Variants in FHIT observed in about 807,000 individuals in gnomAD.
FHIT encodes fragile histidine triad diadenosine triphosphatase, also known as bis(5'-adenosyl)-triphosphatase.
In FHIT, 19 loss-of-function variants were observed where a neutral mutation model predicts 17.9. The ratio of observed to expected loss-of-function variants is 1.06; its 90% confidence interval spans 0.74 to 1.56. The LOEUF (loss-of-function observed/expected upper bound fraction) is 1.56, where lower values mean the gene tolerates loss of function less well. FHIT is among the 40% of genes most tolerant of loss of function. FHIT has a pLI of 0.00. For missense variants in FHIT, 248 were observed against 189.2 expected (o/e 1.31, Z -1.82); for synonymous variants, 81 against 69.7 (o/e 1.16, Z -0.81).
chr3:60,569,755 A>ATATATATATATATATAT lies in FHIT; in HGVS notation c.-17-32777_-17-32776insATATATATATATATATA. 5.6e-3 allele frequency among the ~76,000 whole-genome samples: 431 copies of ATATATATATATATATAT among 77,246 alleles called. 5 individuals carry two copies. The highest frequency in any genetic ancestry group is 0.02 in the African/African-American group (403 of 20,586). 50.7% of individuals were successfully genotyped at this position (77,246 alleles called of 152,430 possible). A position where few individuals can be genotyped will look rare whatever the true frequency, so the allele number is the denominator to read the frequency against. ...TATATATATATATATATATATATAT[A>ATATATATATATATATAT]TTTTTTTTTTTTTTAGACAGAGTTT... is the stretch of plus-strand genomic sequence containing the variant. On this transcript the variant is annotated intron_variant, in intron 4 of 9. Transcript: ENST00000492590.
chr3:60,613,291 G>A (rs1553674395), intron 4 of FHIT, among the ~76,000 whole-genome samples: 1 of 152,146 alleles, frequency 6.6e-6, no homozygotes, highest in Admixed American at 6.5e-5. Context: ...TGGGAACATG[G>A]AGTGAAACAG....
chr3:60,704,835 G>C (rs1292251531), intron 4 of FHIT, among the ~76,000 whole-genome samples: 1 of 151,576 alleles, frequency 6.6e-6, no homozygotes, highest in Non-Finnish European at 1.5e-5. Flanking sequence ...TTGATTCTCT[G>C]GAAAACTAAC....
At chr3:60,566,249 G>C (rs1204086476) in intron 4 of FHIT, among the ~76,000 whole-genome samples, 2 of 152,152 alleles carry the variant, frequency 1.3e-5, no homozygotes, top group East Asian at 3.8e-4. Flanking sequence ...TTGGGGTTGA[G>C]AGTTCTGTAG....
chr3:60,372,747 T>G (rs1700381545), intron 5 of FHIT, among the ~76,000 whole-genome samples: 1 of 152,222 alleles, frequency 6.6e-6, no homozygotes, highest in Admixed American at 6.5e-5. Flanking sequence ...GTCTTTTATT[T>G]CTTCCTTATC....
At chr3:60,452,260 C>T (rs1049119546) in intron 5 of FHIT, among the ~76,000 whole-genome samples, 32 of 152,112 alleles carry the variant, frequency 2.1e-4, no homozygotes, top group African/African-American at 7.5e-4. Context: ...TAATTAGTAA[C>T]CTACTTCCTG....
chr3:60,865,206 A>G (rs2107027009), intron 3 of FHIT, among the ~76,000 whole-genome samples: 1 of 152,338 alleles, frequency 6.6e-6, no homozygotes, highest in East Asian at 1.9e-4. Flanking sequence ...CGTTGAAAAA[A>G]ATCATAGGTA....
intron 4 of FHIT, among the ~76,000 whole-genome samples, chr3:60,689,080 G>C (rs2040927443): frequency 6.6e-6 from 1 of 152,146 alleles, no homozygotes; most frequent in South Asian, 2.1e-4. Flanking sequence ...TCTCCTGATA[G>C]TGAATAAGTC....
At chr3:60,373,354 A>G (rs1241417677) in intron 5 of FHIT, among the ~76,000 whole-genome samples, 1 of 152,192 alleles carries the variant, frequency 6.6e-6, no homozygotes, top group Non-Finnish European at 1.5e-5. Flanking sequence ...GTAAAGTTCT[A>G]GATAAATGAA....
intron 5 of FHIT, among the ~76,000 whole-genome samples, chr3:60,161,650 A>T (rs1335798086): frequency 6.6e-6 from 1 of 152,080 alleles, no homozygotes; most frequent in Non-Finnish European, 1.5e-5. Flanking sequence ...GAGTGTTTCG[A>T]GGTAGGTAAC....
At chr3:60,638,764 G>A (rs782726609) in intron 4 of FHIT, among the ~76,000 whole-genome samples, 1 of 151,874 alleles carries the variant, frequency 6.6e-6, no homozygotes, top group Admixed American at 6.6e-5. Flanking sequence ...CAGAAGAAAC[G>A]TGTTTAAGAA....
intron 5 of FHIT, among the ~76,000 whole-genome samples, chr3:60,342,758 G>T (rs192059095): frequency 6.6e-6 from 1 of 152,292 alleles, no homozygotes; most frequent in East Asian, 1.9e-4. Flanking sequence ...TGGAGATACT[G>T]AAAGTTGAGA....
At chr3:60,647,092 C>T (rs879946929) in intron 4 of FHIT, among the ~76,000 whole-genome samples, 41 of 152,186 alleles carry the variant, frequency 2.7e-4, no homozygotes, top group Admixed American at 2.6e-3. Context: ...CTTCCATATC[C>T]CTACATGGCC....
intron 2 of FHIT, among the ~76,000 whole-genome samples, chr3:61,193,917 G>A (rs577315340): frequency 2.7e-4 from 41 of 152,258 alleles, no homozygotes; most frequent in African/African-American, 8.2e-4. Context: ...GCAGCCTTCC[G>A]AAATGAAGAC....
chr3:60,387,985 T>G (rs554622942), intron 5 of FHIT, among the ~76,000 whole-genome samples: 13 of 152,222 alleles, frequency 8.5e-5, no homozygotes, highest in African/African-American at 3.1e-4. Flanking sequence ...CACCCTTCTC[T>G]GTCTTGCCAT....
intron 5 of FHIT, among the ~76,000 whole-genome samples, chr3:60,177,961 G>C (rs972709285): frequency 2.6e-5 from 4 of 152,180 alleles, no homozygotes; most frequent in Admixed American, 6.5e-5. Flanking sequence ...AATCACAAAA[G>C]AAAGTTAATA....
chr3:59,914,220 G>A (rs1033030408), intron 8 of FHIT, among the ~76,000 whole-genome samples: 1 of 151,696 alleles, frequency 6.6e-6, no homozygotes, highest in Non-Finnish European at 1.5e-5. Flanking sequence ...TTGGTAGAAG[G>A]CTTTGAAATC....
intron 8 of FHIT, among the ~76,000 whole-genome samples, chr3:59,920,816 T>A (rs1350982290): frequency 1.3e-5 from 2 of 152,216 alleles, no homozygotes; most frequent in African/African-American, 4.8e-5. Flanking sequence ...TAAGCCCTTA[T>A]CAATCCCCAA....
At chr3:60,972,095 T>C (rs1710045097) in intron 3 of FHIT, among the ~76,000 whole-genome samples, 1 of 152,202 alleles carries the variant, frequency 6.6e-6, no homozygotes, top group Non-Finnish European at 1.5e-5. Context: ...TCTTTAGTTA[T>C]AGGACTTACA....
At chr3:61,082,003 T>C (rs1007281943) in intron 2 of FHIT, among the ~76,000 whole-genome samples, 8 of 151,928 alleles carry the variant, frequency 5.3e-5, no homozygotes, top group South Asian at 2.1e-4. Context: ...CTGAATCCCA[T>C]ACAATTGTCT....
Sources: gnomAD v4.1 joint callset for allele counts (sites outside exome capture counted in the v4.1 genomes callset) on GRCh38, gnomAD v4.1.1 for gene constraint, MANE v1.5 for transcripts, NCBI Gene and HGNC (gene_info 2026-07-23, HGNC 2026-07-21) for gene names.